Variants in STRBP observed in about 807,000 individuals in gnomAD.
STRBP encodes the protein spermatid perinuclear RNA-binding protein.
A neutral mutation model predicts 80.1 loss-of-function variants in STRBP; 13 were observed. The ratio of observed to expected loss-of-function variants is 0.16; its 90% CI spans 0.11 to 0.26. The LOEUF (loss-of-function observed/expected upper bound fraction) is 0.26. Among genes scored for constraint, STRBP ranks in the 10% least tolerant of loss-of-function variants. The pLI, the probability that STRBP is intolerant of heterozygous loss-of-function variation, is 1.00. For missense variants in STRBP, 485 were observed against 815.2 expected, an observed-to-expected ratio of 0.59 and a Z score of 4.93; for synonymous variants, 284 against 291.2, an observed-to-expected ratio of 0.98 and a Z score of 0.25.
At chr9:123,140,392 C>T (rs2036539386) in intron 13 of STRBP, among the ~76,000 whole-genome samples, 3 of 152,080 alleles carry the variant, frequency 2.0e-5, no homozygotes, top group South Asian at 4.1e-4. Flanking sequence ...GTCAGGAGTT[C>T]GAGACCAGCC....
Position 123,122,499 on chromosome 9 carries a change from C to A in STRBP, c.*3098G>T. On this transcript the variant is annotated 3_prime_UTR_variant, in exon 19 of 19. Transcript: ENST00000348403. ...GCAAAATCTCTCAGTGGTTTGTTCC[C>A]CAGGCTAACAATTTGAGAGAGACTA... 1 of 1,185,942 alleles carries A rather than the reference C, an allele frequency of 8.4e-7. No homozygotes were observed. The highest frequency in any genetic ancestry group is 1.1e-6 in the Non-Finnish European group (1 of 945,576). The allele number at this position is 1,185,942 out of a possible 1,614,324, so 73.5% of individuals were successfully genotyped here. A position where few individuals can be genotyped will look rare whatever the true frequency, so the allele number is the denominator to read the frequency against.
intron 17 of STRBP, among the ~76,000 whole-genome samples, chr9:123,129,549 A>T (rs759528859): frequency 2.0e-5 from 3 of 152,132 alleles, no homozygotes; most frequent in Non-Finnish European, 2.9e-5. Context: ...TCTCTGGATG[A>T]CCAACTGCAA....
intron 3 of STRBP, among the ~76,000 whole-genome samples, chr9:123,182,217 T>TAAAAAAAAAAAAAAAAAAAA (rs10546358): frequency 4.3e-5 from 3 of 69,798 alleles, no homozygotes; most frequent in African/African-American, 3.9e-5. Context: ...TCCGTTTCTT[T>TAAAAAAAAAAAAAAAAAAAA]AAAAAAAAAA....
At chr9:123,147,706 ACTTTT>A in intron 12 of STRBP, 67 bp downstream of exon 12, 1 of 996,260 alleles carries the variant, frequency 1.0e-6, no homozygotes, top group Non-Finnish European at 1.4e-6. Flanking sequence ...AAAACCCTTC[ACTTTT>A]AATTTTTCTA....
chr9:123,246,496 G>C (rs2040802847), intron 1 of STRBP, among the ~76,000 whole-genome samples: 1 of 152,116 alleles, frequency 6.6e-6, no homozygotes, highest in Non-Finnish European at 1.5e-5. Context: ...TGGTTTTTAG[G>C]TTTGTTTGGA....
intron 1 of STRBP, among the ~76,000 whole-genome samples, chr9:123,254,591 C>T (rs190085423): frequency 6.6e-6 from 1 of 152,074 alleles, no homozygotes; most frequent in Non-Finnish European, 1.5e-5. Context: ...AAAAGGATCT[C>T]GCAGGTTTCT....
chr9:123,213,156 T>G (rs1319354387), intron 2 of STRBP, among the ~76,000 whole-genome samples: 2 of 152,226 alleles, frequency 1.3e-5, no homozygotes, highest in Non-Finnish European at 2.9e-5. Flanking sequence ...TGGTAGTAGT[T>G]TGAAAAGCAC....
At chr9:123,178,875 C>T (rs2038334520) in intron 4 of STRBP, 132 bp downstream of exon 4, 3 of 690,214 alleles carry the variant, frequency 4.3e-6, no homozygotes, top group Non-Finnish European at 7.2e-6. Context: ...GTAACATTTA[C>T]TTCCTTGGTT....
At chr9:123,210,703 C>A (rs1443289752) in intron 2 of STRBP, among the ~76,000 whole-genome samples, 1 of 152,060 alleles carries the variant, frequency 6.6e-6, no homozygotes, top group African/African-American at 2.4e-5. Flanking sequence ...GTGGCAGTCG[C>A]CTGTAATCCC....
intron 17 of STRBP, among the ~76,000 whole-genome samples, chr9:123,131,467 C>A (rs1435864607): frequency 1.3e-5 from 2 of 152,220 alleles, no homozygotes; most frequent in Non-Finnish European, 2.9e-5. Flanking sequence ...AATTCCCCAA[C>A]AGCAACACAA....
In STRBP at chr9:123,243,265, C is replaced by CAAAAAAAAAAAAAAAAAAAAAAAAAAAAA. The variant is rs1160280485; in HGVS notation, c.-301-6300_-301-6299insTTTTTTTTTTTTTTTTTTTTTTTTTTTTT. Among the ~76,000 whole-genome samples the CAAAAAAAAAAAAAAAAAAAAAAAAAAAAA allele has an allele frequency of 6.3e-5, 5 of 78,950 alleles. 1 individual carries two copies. The highest frequency in any genetic ancestry group is 8.6e-5 in the Non-Finnish European group (3 of 35,026). The allele number at this position is 78,950 out of a possible 152,430, so 51.8% of individuals were successfully genotyped here. ...CTAGAGGAATTAGACATCAATAAGA[C>CAAAAAAAAAAAAAAAAAAAAAAAAAAAAA]AAAAAAAAAAAAAAAAAAAGAAAAA... On this transcript the variant is annotated intron_variant, in intron 1 of 18. Transcript: ENST00000348403.
chr9:123,191,738 A>C (rs1328852718), intron 2 of STRBP, among the ~76,000 whole-genome samples: 1 of 152,204 alleles, frequency 6.6e-6, no homozygotes, highest in Non-Finnish European at 1.5e-5. Flanking sequence ...GTCATATAAA[A>C]ACAGGCAATG....
intron 16 of STRBP, 106 bp downstream of exon 16, chr9:123,135,935 A>T: frequency 2.7e-6 from 4 of 1,455,186 alleles, no homozygotes; most frequent in Middle Eastern, 2.1e-4. Flanking sequence ...GTCCAAGAAA[A>T]GGAAACAACT....
chr9:123,141,699 A>T (rs188797993), intron 13 of STRBP, among the ~76,000 whole-genome samples: 1 of 152,348 alleles, frequency 6.6e-6, no homozygotes, highest in African/African-American at 2.4e-5. Flanking sequence ...CTTTTCTCAC[A>T]TATCAGATTC....
In STRBP at chr9:123,124,310, GGTGA is replaced by G; in HGVS notation, c.*1283_*1286del. On this transcript the variant is annotated 3_prime_UTR_variant, in exon 19 of 19. Coordinates refer to ENST00000348403, the MANE Select transcript of STRBP (RefSeq NM_018387.5). ...GACCACACTGCTGCTCCTTCATGGG[GGTGA>G]GTACCTTAATGAAACCATTGACCTA... is the stretch of plus-strand genomic sequence containing the variant. The G allele has an allele frequency of 1.0e-6, 1 of 985,380 alleles. No homozygotes were observed. Among genetic ancestry groups the G allele is most frequent in the Non-Finnish European group, 1.2e-6 (1 of 829,932 alleles). The allele number at this position is 985,380 out of a possible 1,614,324, so 61.0% of individuals were successfully genotyped here. A position where few individuals can be genotyped will look rare whatever the true frequency, so the allele number is the denominator to read the frequency against.
chr9:123,227,907 G>A (rs1170901754), intron 2 of STRBP, among the ~76,000 whole-genome samples: 1 of 152,188 alleles, frequency 6.6e-6, no homozygotes, highest in Admixed American at 6.5e-5. Context: ...TGTTGAGCTA[G>A]ACTGTTGGAG....
In STRBP at chr9:123,123,456, A is replaced by G. The variant is rs1391945572; in HGVS notation, c.*2141T>C. The G allele has an allele frequency of 5.1e-6, 5 of 985,290 alleles. No homozygotes were observed. Among genetic ancestry groups the G allele is most frequent in the African/African-American group, 1.7e-5 (1 of 57,220 alleles). 61.0% of individuals were successfully genotyped at this position (985,290 alleles called of 1,614,324 possible). A position where few individuals can be genotyped will look rare whatever the true frequency, so the allele number is the denominator to read the frequency against. On this transcript the variant is annotated 3_prime_UTR_variant, in exon 19 of 19. Coordinates refer to ENST00000348403, the MANE Select transcript of STRBP (RefSeq NM_018387.5). Reference sequence around the variant, plus strand: ...CTGACAGCTCGATTATTTTAAGTAAAGCAGAGAAATGTAAAAGTTTGCAGC... The same window carrying G: ...CTGACAGCTCGATTATTTTAAGTAAGGCAGAGAAATGTAAAAGTTTGCAGC...
At chr9:123,160,226 TA>T (rs928855694) in intron 8 of STRBP, 140 bp downstream of exon 8, 23 of 496,048 alleles carry the variant, frequency 4.6e-5, no homozygotes, top group African/African-American at 3.3e-4. Flanking sequence ...AAAGATGCTT[TA>T]TTTTTTTTTC....
chr9:123,129,282 A>AG (rs1428174499), intron 17 of STRBP, among the ~76,000 whole-genome samples: 2 of 152,166 alleles, frequency 1.3e-5, no homozygotes, highest in Non-Finnish European at 2.9e-5. Flanking sequence ...ACTTGAGCCC[A>AG]GGAGGTCGAG....
Sources: gnomAD v4.1 joint callset for allele counts (sites outside exome capture counted in the v4.1 genomes callset) on GRCh38, gnomAD v4.1.1 for gene constraint, MANE v1.5 for transcripts, NCBI Gene and HGNC (gene_info 2026-07-23, HGNC 2026-07-21) for gene names.